The following FKBP5 variants were observed in gnomAD, a reference collection of about 807,000 sequenced individuals.
FKBP5 encodes peptidyl-prolyl cis-trans isomerase FKBP5.
A neutral mutation model predicts 50.5 loss-of-function variants in FKBP5; 23 were observed. The ratio of observed to expected loss-of-function variants is 0.46; its 90% confidence interval spans 0.33 to 0.65. FKBP5 has a LOEUF of 0.65. FKBP5 is among the 30% of genes least tolerant of loss of function. The pLI, the probability that FKBP5 is intolerant of heterozygous loss-of-function variation, is 0.02. For missense variants in FKBP5, 411 were observed against 553.1 expected (o/e 0.74, Z 2.58); for synonymous variants, 176 against 190.6 (o/e 0.92, Z 0.63).
At chr6:35,724,883 C>T (rs1279576941) in intron 1 of FKBP5, among the ~76,000 whole-genome samples, 1 of 152,182 alleles carries the variant, frequency 6.6e-6, no homozygotes, top group Non-Finnish European at 1.5e-5. Flanking sequence ...ATAGCACCCA[C>T]ACCCCAGAAT....
At chr6:35,588,794 C>CG (rs1216897751) in intron 7 of FKBP5, among the ~76,000 whole-genome samples, 1 of 145,090 alleles carries the variant, frequency 6.9e-6, no homozygotes, top group African/African-American at 2.6e-5. Flanking sequence ...TTGGTAGAGA[C>CG]GGGGTCTCAC....
chr6:35,579,944 C>T (rs1762369937), intron 9 of FKBP5, 92 bp downstream of exon 9: 1 of 979,676 alleles, frequency 1.0e-6, no homozygotes, highest in Non-Finnish European at 1.5e-6. Context: ...AATGAAAAAT[C>T]CTGCAACCTT....
At chr6:35,599,322 G>C (rs1241913938) in intron 5 of FKBP5, among the ~76,000 whole-genome samples, 1 of 152,058 alleles carries the variant, frequency 6.6e-6, no homozygotes, top group East Asian at 1.9e-4. Flanking sequence ...CCAGAAACCA[G>C]CTTCAAATCT....
Position 35,716,107 on chromosome 6 carries a change from C to T in FKBP5, c.-20+4221G>A, listed in dbSNP as rs149953954. On this transcript the variant is annotated intron_variant, in intron 2 of 11. Coordinates refer to the FKBP5 transcript ENST00000536438. ...GGGGAGACAGGTGGGGGCAATGGCT[C>T]GCATCTGTAATCCCAGCAACTCAAG... Among the ~76,000 whole-genome samples the T allele has an allele frequency of 3.9e-5, 6 of 152,168 alleles. No individual in the cohort carries two copies. In the East Asian group the frequency reaches 7.7e-4, roughly 20 times the overall value.
intron 2 of FKBP5, among the ~76,000 whole-genome samples, chr6:35,701,992 T>C (rs1055082678): frequency 4.6e-5 from 7 of 151,900 alleles, no homozygotes; most frequent in Non-Finnish European, 1.0e-4. Context: ...GGATTACAAG[T>C]GTGCGCCACC....
At chr6:35,663,383 C>T (rs960709171) in intron 1 of FKBP5, among the ~76,000 whole-genome samples, 5 of 152,166 alleles carry the variant, frequency 3.3e-5, no homozygotes, top group Admixed American at 1.3e-4. Flanking sequence ...AAGTAAAGTA[C>T]GTGAACATTA....
chr6:35,669,627 G>C (rs1417759190), intron 1 of FKBP5, among the ~76,000 whole-genome samples: 1 of 152,084 alleles, frequency 6.6e-6, no homozygotes, highest in East Asian at 1.9e-4. Flanking sequence ...TTCCACTTTT[G>C]ACAACAGTGG....
At chr6:35,720,111 C>T (rs529328924) in intron 2 of FKBP5, among the ~76,000 whole-genome samples, 2 of 152,330 alleles carry the variant, frequency 1.3e-5, no homozygotes, top group African/African-American at 4.8e-5. Flanking sequence ...GGCTGTGCTC[C>T]GTGCACCCCC....
intron 3 of FKBP5, among the ~76,000 whole-genome samples, chr6:35,620,834 G>A (rs1025756068): frequency 3.3e-5 from 5 of 152,076 alleles, no homozygotes; most frequent in Admixed American, 1.3e-4. Flanking sequence ...GAAAACTGGT[G>A]GTAACATTAT....
intron 5 of FKBP5, among the ~76,000 whole-genome samples, chr6:35,608,260 A>G (rs1271298151): frequency 2.6e-5 from 4 of 152,186 alleles, no homozygotes; most frequent in Admixed American, 6.6e-5. Context: ...GCTATATTCT[A>G]TGTTCACTAT....
At chr6:35,683,777 C>T (rs1010939033) in intron 1 of FKBP5, among the ~76,000 whole-genome samples, 1 of 151,436 alleles carries the variant, frequency 6.6e-6, no homozygotes, top group African/African-American at 2.4e-5. Flanking sequence ...CTAGGCTGGG[C>T]ATGGTGGCTC....
At chr6:35,644,090 A>G (rs2150990025) in intron 1 of FKBP5, among the ~76,000 whole-genome samples, 1 of 152,294 alleles carries the variant, frequency 6.6e-6, no homozygotes, top group South Asian at 2.1e-4. Flanking sequence ...AAGTGGTATA[A>G]TGTGTATTTT....
intron 1 of FKBP5, among the ~76,000 whole-genome samples, chr6:35,728,014 C>G (rs1382628608): frequency 6.6e-6 from 1 of 152,198 alleles, no homozygotes; most frequent in Non-Finnish European, 1.5e-5. Flanking sequence ...CGCATGGTTG[C>G]GGCGGCCGGG....
chr6:35,606,810 G>A lies in FKBP5; in HGVS notation c.509-9406C>T, dbSNP rs955673252. On this transcript the variant is annotated intron_variant, in intron 5 of 10. Coordinates refer to ENST00000357266, the MANE Select transcript of FKBP5 (RefSeq NM_004117.4). ...TGGAAAGCAGTTTTGGAAATTTCTCGAAGAACTAAAAATCAAAGTACCATT... is the reference window on the plus strand; with the variant it reads ...TGGAAAGCAGTTTTGGAAATTTCTCAAAGAACTAAAAATCAAAGTACCATT... Among the ~76,000 whole-genome samples the A allele has an allele frequency of 3.3e-5, 5 of 151,660 alleles. No homozygotes were observed. The East Asian group carries it at 7.7e-4, about 23-fold the overall frequency.
At chr6:35,690,938 G>A (rs929099808), upstream of FKBP5, among the ~76,000 whole-genome samples, 21 of 150,714 alleles carry the variant, frequency 1.4e-4, no homozygotes, top group African/African-American at 4.9e-4. Context: ...CCCGGGAGGC[G>A]GAGGTTGCAG....
chr6:35,705,478 G>T (rs1429132669), intron 2 of FKBP5, among the ~76,000 whole-genome samples: 1 of 151,196 alleles, frequency 6.6e-6, no homozygotes, highest in Non-Finnish European at 1.5e-5. Context: ...TGTTGGTCAG[G>T]CTGGTCTCGA....
intron 2 of FKBP5, among the ~76,000 whole-genome samples, chr6:35,638,456 C>G (rs1443824337): frequency 2.0e-5 from 3 of 152,072 alleles, no homozygotes; most frequent in Admixed American, 2.0e-4. Flanking sequence ...GCTCTTTTAC[C>G]CAGGCTAGAG....
At chr6:35,648,836 C>T (rs1318230921) in intron 1 of FKBP5, among the ~76,000 whole-genome samples, 1 of 152,082 alleles carries the variant, frequency 6.6e-6, no homozygotes, top group East Asian at 1.9e-4. Flanking sequence ...GTAATTCCAG[C>T]TATTCAGGTG....
chr6:35,599,714 G>A (rs906891028), intron 5 of FKBP5, among the ~76,000 whole-genome samples: 12 of 152,078 alleles, frequency 7.9e-5, no homozygotes, highest in African/African-American at 2.7e-4. Flanking sequence ...GGTAGAGCTC[G>A]CATATGGCAT....
Sources: gnomAD v4.1 joint callset for allele counts (sites outside exome capture counted in the v4.1 genomes callset) on GRCh38, gnomAD v4.1.1 for gene constraint, MANE v1.5 for transcripts, NCBI Gene and HGNC (gene_info 2026-07-23, HGNC 2026-07-21) for gene names.